The following SP140 variants were observed in gnomAD, a reference collection of about 807,000 sequenced individuals.
The protein encoded by SP140 is SP140 nuclear body protein.
SP140 carries 81 observed loss-of-function variants against 125.0 expected under a neutral mutation model. The ratio of observed to expected loss-of-function variants is 0.65; its 90% confidence interval spans 0.54 to 0.78. The LOEUF is 0.78. SP140 is among the 30% of genes least tolerant of loss of function. The probability of loss-of-function intolerance (pLI) is 0.00; values close to 1 mark genes in which losing one functional copy is unlikely to be tolerated. For missense variants in SP140, 858 were observed against 1,037.0 expected (o/e 0.83, Z 2.37); for synonymous variants, 312 against 354.0 (o/e 0.88, Z 1.33).
chr2:230,303,912 T>A (rs891838965), intron 22 of SP140, among the ~76,000 whole-genome samples: 1 of 151,996 alleles, frequency 6.6e-6, no homozygotes, highest in Non-Finnish European at 1.5e-5. Flanking sequence ...GGCAGAGCAA[T>A]CAGACAAGAG....
chr2:230,211,420 G>A lies in SP140; in HGVS notation c.-322-2234G>A, dbSNP rs2148916822. On this transcript the variant is annotated intron_variant, in intron 1 of 4. Transcript: ENST00000456542. The surrounding 1 kb of genome is among the most constrained non-coding windows in gnomAD (Gnocchi z 4.2). The stretch of plus-strand genomic sequence containing the variant: ...AAGATCCGAATGGCTTTTCCTCTTA[G>A]TAAACACAGAAACAAAGGCAAGCTT... The A allele has an allele frequency of 8.5e-7, 1 of 1,183,020 alleles. No individual in the cohort carries two copies. Among genetic ancestry groups the A allele is most frequent in the East Asian group, 2.3e-5 (1 of 42,908 alleles). 73.3% of individuals were successfully genotyped at this position (1,183,020 alleles called of 1,614,324 possible).
chr2:230,298,523 G>A (rs955344962), intron 22 of SP140, among the ~76,000 whole-genome samples: 6 of 152,194 alleles, frequency 3.9e-5, no homozygotes, highest in African/African-American at 1.4e-4. Flanking sequence ...GGCTGATTTT[G>A]GATGGACTAG....
At chr2:230,269,716 G>A (rs1025070802) in intron 13 of SP140, 98 bp downstream of exon 13, 9 of 1,057,256 alleles carry the variant, frequency 8.5e-6, no homozygotes, top group Non-Finnish European at 1.3e-5. Flanking sequence ...CAAATATAAG[G>A]AGGAGCAGTG....
upstream of SP140, chr2:230,202,577 A>G (rs2043291839): frequency 6.2e-7 from 1 of 1,613,892 alleles, no homozygotes; most frequent in Non-Finnish European, 8.5e-7. Context: ...CATCAGCCTT[A>G]CCCTCTGATC....
chr2:230,270,491 T>C, intron 14 of SP140, 95 bp from the exon 15 acceptor site: 2 of 1,241,500 alleles, frequency 1.6e-6, no homozygotes, highest in Non-Finnish European at 2.3e-6. Context: ...CAAGCATCTG[T>C]ATAAACTCAA....
At chr2:230,238,568 G>A in intron 3 of SP140, 187 bp downstream of exon 3, 1 of 741,184 alleles carries the variant, frequency 1.3e-6, no homozygotes, top group Non-Finnish European at 2.2e-6. Context: ...TACAGTGGGA[G>A]TGACAGACGT....
chr2:230,270,852 A>G (rs540164183), intron 15 of SP140: 104 of 602,226 alleles, frequency 1.7e-4, no homozygotes, highest in South Asian at 1.5e-3. Context: ...CAATTAAGCT[A>G]GAGACCTTGA....
chr2:230,277,318 A>G (rs2054865179), intron 15 of SP140, among the ~76,000 whole-genome samples: 1 of 152,170 alleles, frequency 6.6e-6, no homozygotes, highest in African/African-American at 2.4e-5. Context: ...CAAAGAGATT[A>G]TGACTTACTG....
intron 15 of SP140, among the ~76,000 whole-genome samples, chr2:230,284,129 T>C (rs1333496455): frequency 6.6e-6 from 1 of 152,146 alleles, no homozygotes; most frequent in Non-Finnish European, 1.5e-5. Context: ...GAACGTCATC[T>C]CCTGTAGTCT....
At chr2:230,220,950 T>C (rs1249896287), upstream of SP140, among the ~76,000 whole-genome samples, 1 of 152,100 alleles carries the variant, frequency 6.6e-6, no homozygotes, top group African/African-American at 2.4e-5. Flanking sequence ...AGTTCAAGGC[T>C]GCGGTGAGCT....
In SP140 at chr2:230,312,776, A is replaced by G. The variant is rs566352416; in HGVS notation, c.*92A>G. On this transcript the variant is annotated 3_prime_UTR_variant, in exon 27 of 27. Transcript: ENST00000392045. ...GACTTCAAAATGAGGTCACTTGGGC[A>G]CAGCACATGCAGGGAGGGGCTTTTC... The G allele has an allele frequency of 2.2e-6, 2 of 891,340 alleles. No individual in the cohort carries two copies. Among genetic ancestry groups the G allele is most frequent in the South Asian group, 1.4e-5 (1 of 73,330 alleles). 55.2% of individuals were successfully genotyped at this position (891,340 alleles called of 1,614,324 possible). A position where few individuals can be genotyped will look rare whatever the true frequency, so the allele number is the denominator to read the frequency against.
Position 230,292,633 on chromosome 2 carries a change from C to T in SP140, c.1826-13C>T. Reference sequence around the variant, plus strand: ...AAAAGAGGGCTCAGGATCAAGTTACCCTGGTCTTACAGGAATCTTGGTGAA... The same window carrying T: ...AAAAGAGGGCTCAGGATCAAGTTACTCTGGTCTTACAGGAATCTTGGTGAA... On this transcript the variant is annotated splice_polypyrimidine_tract_variant and intron_variant, in intron 19 of 26. Transcript: ENST00000392045. The T allele has an allele frequency of 6.2e-7, 1 of 1,614,030 alleles. No individual in the cohort carries two copies. Among genetic ancestry groups the T allele is most frequent in the Admixed American group, 1.7e-5 (1 of 60,010 alleles).
upstream of SP140, among the ~76,000 whole-genome samples, chr2:230,224,533 GGAGA>G (rs138737381): frequency 2.7e-5 from 4 of 150,724 alleles, no homozygotes; most frequent in South Asian, 2.1e-4. Flanking sequence ...GAGAGAGAGA[GGAGA>G]GAGAGAGAGA....
intron 26 of SP140, 108 bp from the exon 27 acceptor site, chr2:230,312,478 T>G: frequency 1.4e-6 from 1 of 691,462 alleles, no homozygotes; most frequent in South Asian, 1.9e-5. Flanking sequence ...ATTGTAGACT[T>G]ACAGTACTTT....
chr2:230,296,118 G>A (rs1220983427), intron 21 of SP140, among the ~76,000 whole-genome samples: 1 of 151,994 alleles, frequency 6.6e-6, no homozygotes, highest in Non-Finnish European at 1.5e-5. Context: ...GTGTACACCT[G>A]TAGTCCCACC....
intron 18 of SP140, among the ~76,000 whole-genome samples, chr2:230,289,558 T>A (rs1292643512): frequency 6.6e-6 from 1 of 152,146 alleles, no homozygotes; most frequent in African/African-American, 2.4e-5. Flanking sequence ...CACTGCAGAC[T>A]CCACCTCCCA....
downstream of SP140, among the ~76,000 whole-genome samples, chr2:230,313,608 C>T (rs559736713): frequency 1.8e-4 from 27 of 152,310 alleles, no homozygotes; most frequent in African/African-American, 5.8e-4. Flanking sequence ...CCCTTCTGAG[C>T]GAACCCTCAC....
At chr2:230,273,456 G>A (rs935914737) in intron 15 of SP140, among the ~76,000 whole-genome samples, 8 of 152,128 alleles carry the variant, frequency 5.3e-5, no homozygotes, top group East Asian at 1.9e-4. Flanking sequence ...AGATACTGAC[G>A]AGGTTGTGGA....
chr2:230,272,416 C>A (rs1022641153), intron 15 of SP140, among the ~76,000 whole-genome samples: 5 of 152,008 alleles, frequency 3.3e-5, no homozygotes, highest in Non-Finnish European at 7.4e-5. Context: ...TGGGAGGGAC[C>A]CAGTGGCAGG....
Sources: allele counts gnomAD v4.1 joint callset (sites outside exome capture counted in the v4.1 genomes callset), GRCh38; gene constraint gnomAD v4.1.1; non-coding constraint Gnocchi (gnomAD v3.1); transcripts MANE v1.5; gene names NCBI Gene and HGNC (gene_info 2026-07-23, HGNC 2026-07-21).